Variants in RBM6 observed in about 807,000 individuals in gnomAD.
The protein encoded by RBM6 is RNA binding motif protein 6, also known as RNA-binding protein 6.
In RBM6, 23 loss-of-function variants were observed where a neutral mutation model predicts 140.4. The observed-to-expected ratio is 0.16, with a 90% CI of 0.12 to 0.23. RBM6 has a LOEUF of 0.23. Ranked by LOEUF, RBM6 falls within the 10% of genes least tolerant of loss-of-function variation. The pLI, the probability that RBM6 is intolerant of heterozygous loss-of-function variation, is 1.00. For synonymous variants in RBM6, 439 were observed against 475.6 expected (o/e 0.92, Z 1.00); for missense variants, 1,139 against 1,386.7 (o/e 0.82, Z 2.84).
chr3:49,979,508 C>T (rs550561314), intron 5 of RBM6, among the ~76,000 whole-genome samples: 9 of 148,048 alleles, frequency 6.1e-5, no homozygotes, highest in South Asian at 4.2e-4. Flanking sequence ...GGCATGACCT[C>T]GGCTCACTGC....
intron 5 of RBM6, among the ~76,000 whole-genome samples, chr3:49,997,735 T>C (rs2086152942): frequency 6.6e-6 from 1 of 152,224 alleles, no homozygotes; most frequent in Non-Finnish European, 1.5e-5. Context: ...TATTCTGTAA[T>C]GTTTCCCAAG....
rs370795466 is a variant in RBM6 at position 50,030,168 on chromosome 3, T to G, written c.1558-18077T>G. ...ACGTGCCTGTAGTCCCAGTGACTGGTGGGTGGGGCGGGGGTGAGGTGGGAG... is the reference window on the plus strand; with the variant it reads ...ACGTGCCTGTAGTCCCAGTGACTGGGGGGTGGGGCGGGGGTGAGGTGGGAG... On this transcript the variant is annotated intron_variant, in intron 6 of 20. Transcript: ENST00000266022. 1.2e-4 allele frequency among the ~76,000 whole-genome samples: 17 copies of G among 144,844 alleles called. No individual in the cohort carries two copies. In the East Asian group the frequency reaches 2.3e-3, roughly 19 times the overall value.
At chr3:49,980,534 T>C (rs1234224326) in intron 5 of RBM6, among the ~76,000 whole-genome samples, 2 of 151,412 alleles carry the variant, frequency 1.3e-5, no homozygotes, top group African/African-American at 4.8e-5. Flanking sequence ...CCAAGGCAGG[T>C]AGATCATCTG....
chr3:49,994,540 G>A (rs562747229), intron 5 of RBM6, among the ~76,000 whole-genome samples: 78 of 152,226 alleles, frequency 5.1e-4, no homozygotes, highest in Non-Finnish European at 9.0e-4. Flanking sequence ...CAATGAAATG[G>A]AATTAGGAAA....
chr3:50,010,655 C>T (rs1351268754), intron 6 of RBM6, among the ~76,000 whole-genome samples: 1 of 151,986 alleles, frequency 6.6e-6, no homozygotes, highest in Non-Finnish European at 1.5e-5. Context: ...GTAATCCCAG[C>T]ACTTTGGGAG....
chr3:50,063,356 C>T (rs2090009488), intron 15 of RBM6, among the ~76,000 whole-genome samples: 1 of 152,080 alleles, frequency 6.6e-6, no homozygotes, highest in Non-Finnish European at 1.5e-5. Context: ...CCTGTAATCC[C>T]AGCACGTTGG....
At chr3:50,027,434 T>C (rs2526751) in intron 6 of RBM6, among the ~76,000 whole-genome samples, 74,513 of 151,954 alleles carry the variant, frequency 0.49, 19,387 homozygotes, top group East Asian at 0.86. Context: ...TCACCACTGA[T>C]ACCAGAACAT....
chr3:50,077,172 G>T lies in RBM6; in HGVS notation c.*39G>T. ...TTCCATGGGATACAACCTCCCTCTTGTTTTGTTTGTCTCTCCTTTTCTTTT... is the reference window on the plus strand; with the variant it reads ...TTCCATGGGATACAACCTCCCTCTTTTTTTGTTTGTCTCTCCTTTTCTTTT... On this transcript the variant is annotated 3_prime_UTR_variant, in exon 21 of 21. Coordinates refer to ENST00000266022, the MANE Select transcript of RBM6 (RefSeq NM_005777.3). 2 of 1,567,510 alleles carry T rather than the reference G, an allele frequency of 1.3e-6. No individual in the cohort carries two copies. The highest frequency in any genetic ancestry group is 1.2e-5 in the South Asian group (1 of 84,620).
At chr3:50,031,556 G>T (rs1210336890) in intron 6 of RBM6, among the ~76,000 whole-genome samples, 1 of 147,174 alleles carries the variant, frequency 6.8e-6, no homozygotes, top group African/African-American at 2.5e-5. Context: ...ACAGAGCGGG[G>T]AACATCACAC....
chr3:49,986,064 G>A (rs1277704697), intron 5 of RBM6, among the ~76,000 whole-genome samples: 2 of 151,652 alleles, frequency 1.3e-5, no homozygotes, highest in African/African-American at 4.8e-5. Flanking sequence ...TGGTTCACTG[G>A]CAACCTCCAC....
At chr3:50,074,935 G>A (rs2090412674) in intron 19 of RBM6, among the ~76,000 whole-genome samples, 3 of 151,946 alleles carry the variant, frequency 2.0e-5, no homozygotes, top group African/African-American at 7.3e-5. Flanking sequence ...ATTACCTGAG[G>A]TCAGGAGTTT....
chr3:50,024,631 A>G (rs1215405247), intron 6 of RBM6, among the ~76,000 whole-genome samples: 1 of 152,190 alleles, frequency 6.6e-6, no homozygotes, highest in African/African-American at 2.4e-5. Context: ...AAAGTTGGAT[A>G]TACCTGGTTA....
At chr3:49,957,173 G>A (rs1255893980) in intron 1 of RBM6, among the ~76,000 whole-genome samples, 1 of 151,936 alleles carries the variant, frequency 6.6e-6, no homozygotes, top group African/African-American at 2.4e-5. Context: ...TCATAGAGAT[G>A]GGGTCTTGCT....
chr3:50,017,986 C>A (rs1160128772), intron 6 of RBM6, among the ~76,000 whole-genome samples: 3 of 152,178 alleles, frequency 2.0e-5, no homozygotes, highest in African/African-American at 7.2e-5. Flanking sequence ...ACACAGCCTC[C>A]CCAACTATCA....
At chr3:50,064,603 C>G (rs759475095) in intron 15 of RBM6, among the ~76,000 whole-genome samples, 4 of 151,976 alleles carry the variant, frequency 2.6e-5, no homozygotes, top group Non-Finnish European at 5.9e-5. Flanking sequence ...CCTCTGCCTC[C>G]CAGGTTCCAG....
chr3:50,023,655 ATTT>A (rs35083306), intron 6 of RBM6, among the ~76,000 whole-genome samples: 2 of 115,078 alleles, frequency 1.7e-5, no homozygotes, highest in Non-Finnish European at 3.4e-5. Flanking sequence ...ATGTTTGGTG[ATTT>A]TTTTTTTTTT....
chr3:50,007,764 A>G (rs994172299), intron 6 of RBM6, among the ~76,000 whole-genome samples: 1 of 150,806 alleles, frequency 6.6e-6, no homozygotes, highest in African/African-American at 2.4e-5. Flanking sequence ...CGATCTCCTG[A>G]CCTCGTGATC....
At position 49,958,804 on chromosome 3, in the gene RBM6, A is replaced by G. The variant is rs1227082148; in HGVS notation, c.-66-3772A>G. On this transcript the variant is annotated intron_variant, in intron 1 of 20. Coordinates refer to ENST00000266022, the MANE Select transcript of RBM6 (RefSeq NM_005777.3). ...TTCCTTTTTTTTTTTTTTTTTTTGT[A>G]AAAATGGAGTCTCACTCTGTTGCCC... Among the ~76,000 whole-genome samples, 4 of 53,556 alleles carry G rather than the reference A, an allele frequency of 7.5e-5. No individual in the cohort carries two copies. In the East Asian group the frequency reaches 1.5e-3, roughly 20 times the overall value. 35.1% of individuals were successfully genotyped at this position (53,556 alleles called of 152,430 possible).
intron 6 of RBM6, among the ~76,000 whole-genome samples, chr3:50,042,680 C>T (rs895023190): frequency 6.6e-6 from 1 of 152,014 alleles, no homozygotes; most frequent in Non-Finnish European, 1.5e-5. Context: ...AGGCTGCAGT[C>T]AGTCATGATT....
Sources: gnomAD v4.1 joint callset for allele counts (sites outside exome capture counted in the v4.1 genomes callset) on GRCh38, gnomAD v4.1.1 for gene constraint, MANE v1.5 for transcripts, NCBI Gene and HGNC (gene_info 2026-07-23, HGNC 2026-07-21) for gene names.